Variants in MAML2 observed in about 807,000 individuals in gnomAD.
The protein encoded by MAML2 is mastermind like transcriptional coactivator 2.
In MAML2, 22 loss-of-function variants were observed where a neutral mutation model predicts 96.1. The ratio of observed to expected loss-of-function variants is 0.23; its 90% CI spans 0.16 to 0.33. The LOEUF (loss-of-function observed/expected upper bound fraction) is 0.33, where lower values mean the gene tolerates loss of function less well. MAML2 is among the 10% of genes least tolerant of loss of function. The pLI is 1.00. For synonymous variants in MAML2, 561 were observed against 521.3 expected (o/e 1.08, Z -1.04); for missense variants, 1,367 against 1,392.4 (o/e 0.98, Z 0.29).
intron 1 of MAML2, among the ~76,000 whole-genome samples, chr11:96,173,041 A>G (rs939729637): frequency 6.6e-6 from 1 of 152,172 alleles, no homozygotes; most frequent in African/African-American, 2.4e-5. Flanking sequence ...GCACCCCATC[A>G]TGATCGTTTT....
intron 2 of MAML2, among the ~76,000 whole-genome samples, chr11:96,012,494 A>C (rs1478425719): frequency 6.6e-6 from 1 of 152,156 alleles, no homozygotes; most frequent in Admixed American, 6.5e-5. Flanking sequence ...CAGCCTTCTC[A>C]CTATTTTAAT....
At chr11:96,177,301 G>A (rs1861402009) in intron 1 of MAML2, among the ~76,000 whole-genome samples, 1 of 152,184 alleles carries the variant, frequency 6.6e-6, no homozygotes, top group African/African-American at 2.4e-5. Context: ...CTAATAGAAT[G>A]TGACTGTCAA....
intron 1 of MAML2, among the ~76,000 whole-genome samples, chr11:96,297,813 T>C (rs770317702): frequency 2.0e-5 from 3 of 152,200 alleles, no homozygotes; most frequent in Non-Finnish European, 4.4e-5. Context: ...GGCCATAATT[T>C]CACTCCTAAT....
intron 1 of MAML2, among the ~76,000 whole-genome samples, chr11:96,323,089 T>C (rs984757073): frequency 7.0e-6 from 1 of 143,880 alleles, no homozygotes; most frequent in African/African-American, 2.7e-5. Context: ...TGTTCTAGCA[T>C]GAAAAGAGGC....
intron 1 of MAML2, among the ~76,000 whole-genome samples, chr11:96,225,957 G>T (rs1328601439): frequency 6.6e-6 from 1 of 152,104 alleles, no homozygotes; most frequent in East Asian, 1.9e-4. Context: ...ATTTGAGCTG[G>T]TTATCAAAAA....
chr11:96,341,322 C>A (rs981384325), intron 1 of MAML2, 61 bp downstream of exon 1: 25 of 1,467,904 alleles, frequency 1.7e-5, no homozygotes, highest in Non-Finnish European at 2.3e-5. Context: ...CCAAAGCAAA[C>A]TCTACCCTCA....
At chr11:96,031,448 A>T (rs1858613372) in intron 2 of MAML2, among the ~76,000 whole-genome samples, 1 of 152,180 alleles carries the variant, frequency 6.6e-6, no homozygotes, top group Non-Finnish European at 1.5e-5. Flanking sequence ...TTACTGCAGT[A>T]CCTCTCAGAG....
At chr11:95,999,745 G>A (rs974207575) in intron 2 of MAML2, among the ~76,000 whole-genome samples, 2 of 152,044 alleles carry the variant, frequency 1.3e-5, no homozygotes, top group African/African-American at 4.8e-5. Context: ...TTTGGCGTGG[G>A]ATGACTGCCC....
intron 1 of MAML2, among the ~76,000 whole-genome samples, chr11:96,288,542 C>CAA (rs60166307): frequency 0.022 from 1,823 of 83,840 alleles, 25 homozygotes; most frequent in Non-Finnish European, 0.03. Flanking sequence ...GACTCTGTCT[C>CAA]AAAAAAAAAA....
At chr11:96,231,209 G>GT (rs1210879082) in intron 1 of MAML2, among the ~76,000 whole-genome samples, 1 of 152,062 alleles carries the variant, frequency 6.6e-6, no homozygotes, top group Non-Finnish European at 1.5e-5. Flanking sequence ...CCTCTTTCGT[G>GT]TATCACCATC....
At chr11:96,197,135 G>A (rs1861744675) in intron 1 of MAML2, among the ~76,000 whole-genome samples, 1 of 152,074 alleles carries the variant, frequency 6.6e-6, no homozygotes, top group African/African-American at 2.4e-5. Context: ...TACAAATGCT[G>A]CATGTGGTGT....
At chr11:96,189,080 TCTA>T (rs1861615181) in intron 1 of MAML2, among the ~76,000 whole-genome samples, 2 of 151,846 alleles carry the variant, frequency 1.3e-5, no homozygotes, top group Non-Finnish European at 1.5e-5. Context: ...TTTTTTTTTT[TCTA>T]TATCTGGTTC....
intron 1 of MAML2, among the ~76,000 whole-genome samples, chr11:96,332,108 G>T (rs114450344): frequency 3.4e-3 from 519 of 152,274 alleles, no homozygotes; most frequent in South Asian, 7.7e-3. Flanking sequence ...TATGATCTGG[G>T]TGCTACTCTG....
chr11:96,341,688 T>C lies in MAML2; in HGVS notation c.208A>G (p.Arg70Gly). 2 of 1,602,586 alleles carry C rather than the reference T, an allele frequency of 1.2e-6. No homozygotes were observed. Among genetic ancestry groups the C allele is most frequent in the South Asian group, 2.3e-5 (2 of 88,872 alleles). ...CTCAGGAGCTGCAAGGTGCTTTCTC[T>C]TTCCCGGTCTGAGCTCTCGGCCCTA... The part of the protein sequence containing the change: ...RGRAESSDRE[R>G]ESTLQLLSLV... The change falls in exon 1 of 5, where the codon AGA becomes GGA. Residue 70 changes from arginine (R) to glycine (G), a missense_variant. Physicochemically the swap from Arg to Gly is moderately radical, Grantham distance 125. Coordinates refer to ENST00000524717, the MANE Select transcript of MAML2 (RefSeq NM_032427.4).
intron 2 of MAML2, among the ~76,000 whole-genome samples, chr11:96,079,996 A>T (rs1026808713): frequency 8.5e-5 from 13 of 152,352 alleles, no homozygotes; most frequent in South Asian, 2.1e-4. Flanking sequence ...GTATGAGATG[A>T]CAGCCAGAGA....
chr11:96,215,227 A>T lies in MAML2; in HGVS notation c.514-121710T>A, dbSNP rs148585384. Among the ~76,000 whole-genome samples the T allele has an allele frequency of 2.0e-3, 301 of 152,310 alleles. 2 individuals are homozygous for T. The highest frequency in any genetic ancestry group is 7.0e-3 in the African/African-American group (289 of 41,576). On this transcript the variant is annotated intron_variant, in intron 1 of 4. Coordinates refer to ENST00000524717, the MANE Select transcript of MAML2 (RefSeq NM_032427.4). The stretch of plus-strand genomic sequence containing the variant: ...ATGGGGTAATTCCAACTCAGAAATA[A>T]ATCATCTGAGTGGACTGTATGCCCC...
intron 1 of MAML2, among the ~76,000 whole-genome samples, chr11:96,233,105 T>G (rs1565257312): frequency 1.1e-5 from 1 of 90,108 alleles, no homozygotes; most frequent in Admixed American, 1.4e-4. Flanking sequence ...TTACACAAAC[T>G]TCTAAAGCAA....
chr11:96,103,763 A>T (rs1392763557), intron 1 of MAML2, among the ~76,000 whole-genome samples: 4 of 152,186 alleles, frequency 2.6e-5, no homozygotes, highest in South Asian at 4.2e-4. Context: ...CTCCATCTAC[A>T]TTCAGTGACT....
intron 2 of MAML2, among the ~76,000 whole-genome samples, chr11:96,083,528 C>A (rs1347616952): frequency 6.6e-6 from 1 of 152,144 alleles, no homozygotes; most frequent in Non-Finnish European, 1.5e-5. Context: ...ACTGGAAGGA[C>A]TAGGACTCAA....
Sources: gnomAD v4.1 joint callset for allele counts (sites outside exome capture counted in the v4.1 genomes callset) on GRCh38, gnomAD v4.1.1 for gene constraint, MANE v1.5 for transcripts, NCBI Gene and HGNC (gene_info 2026-07-23, HGNC 2026-07-21) for gene names.